MAML3: variants seen among roughly 807,000 people sequenced by gnomAD.
The protein encoded by MAML3 is mastermind like transcriptional coactivator 3.
MAML3 carries 27 observed loss-of-function variants against 101.9 expected under a neutral mutation model. The observed-to-expected ratio is 0.27, with a 90% CI of 0.20 to 0.37. The LOEUF is 0.37. Among genes scored for constraint, MAML3 ranks in the 10% least tolerant of loss-of-function variants. MAML3 has a pLI of 1.00. For missense variants in MAML3, 1,316 were observed against 1,444.9 expected (o/e 0.91, Z 1.45); for synonymous variants, 501 against 555.9 (o/e 0.90, Z 1.39).
At chr4:139,911,726 A>T (rs1732928726) in intron 1 of MAML3, among the ~76,000 whole-genome samples, 1 of 152,096 alleles carries the variant, frequency 6.6e-6, no homozygotes, top group South Asian at 2.1e-4. Flanking sequence ...GGCCCCAGAG[A>T]TCCCCCTCAC....
chr4:139,764,692 G>C (rs1729818522), intron 2 of MAML3, among the ~76,000 whole-genome samples: 1 of 152,222 alleles, frequency 6.6e-6, no homozygotes, highest in Admixed American at 6.5e-5. Flanking sequence ...GGAAACGCGG[G>C]GAAAGAACAG....
intron 1 of MAML3, among the ~76,000 whole-genome samples, chr4:140,002,042 ACTTAT>A (rs1318308498): frequency 8.8e-6 from 1 of 113,128 alleles, no homozygotes; most frequent in African/African-American, 3.2e-5. Flanking sequence ...TACCTCACAC[ACTTAT>A]CATTTTTTTT....
At chr4:139,997,989 T>C (rs1207894042) in intron 1 of MAML3, among the ~76,000 whole-genome samples, 1 of 152,216 alleles carries the variant, frequency 6.6e-6, no homozygotes. Flanking sequence ...GACTATGATG[T>C]ATCTAGATAT....
chr4:139,992,893 T>C (rs1322994400), intron 1 of MAML3, among the ~76,000 whole-genome samples: 1 of 152,182 alleles, frequency 6.6e-6, no homozygotes, highest in Non-Finnish European at 1.5e-5. Flanking sequence ...ATTCCAGTGG[T>C]GTGAAATTGT....
At position 140,118,977 on chromosome 4, in the gene MAML3, G is replaced by C. The variant is rs944113658; in HGVS notation, c.468+33883C>G. Reference sequence around the variant, plus strand: ...AATCATTTTTTTGACAAAGGATTTGGGAAATTAATGTAGGCTTGTTAGCCA... The same window carrying C: ...AATCATTTTTTTGACAAAGGATTTGCGAAATTAATGTAGGCTTGTTAGCCA... On this transcript the variant is annotated intron_variant, in intron 1 of 4. Transcript: ENST00000509479. Among the ~76,000 whole-genome samples, 5 of 152,230 alleles carry C rather than the reference G, an allele frequency of 3.3e-5. No individual in the cohort carries two copies. In the East Asian group the frequency reaches 9.7e-4, roughly 29 times the overall value.
intron 1 of MAML3, among the ~76,000 whole-genome samples, chr4:140,104,789 G>C (rs1447906101): frequency 6.6e-6 from 1 of 151,722 alleles, no homozygotes; most frequent in African/African-American, 2.4e-5. Flanking sequence ...ACTGCATCTG[G>C]CCATAATATA....
At chr4:139,898,046 C>G (rs933878136) in intron 1 of MAML3, among the ~76,000 whole-genome samples, 29 of 152,216 alleles carry the variant, frequency 1.9e-4, no homozygotes, top group Non-Finnish European at 2.9e-5. Context: ...ACCTACTCCA[C>G]AGTCTCTCTT....
intron 1 of MAML3, among the ~76,000 whole-genome samples, chr4:140,045,235 G>T (rs145359195): frequency 6.6e-6 from 1 of 151,922 alleles, no homozygotes; most frequent in African/African-American, 2.4e-5. Flanking sequence ...TCTCTACTAA[G>T]AATACAAAAA....
intron 2 of MAML3, among the ~76,000 whole-genome samples, chr4:139,731,799 G>A (rs1728737985): frequency 6.6e-6 from 1 of 152,188 alleles, no homozygotes; most frequent in South Asian, 2.1e-4. Context: ...GTGACTACAT[G>A]GAGAATGTGC....
intron 2 of MAML3, among the ~76,000 whole-genome samples, chr4:139,743,208 T>C (rs986012646): frequency 1.3e-5 from 2 of 152,210 alleles, no homozygotes; most frequent in Non-Finnish European, 2.9e-5. Context: ...GCTGCAACCA[T>C]TACCACTTCT....
At chr4:139,919,434 A>T (rs1352727047) in intron 1 of MAML3, among the ~76,000 whole-genome samples, 1 of 152,234 alleles carries the variant, frequency 6.6e-6, no homozygotes, top group Non-Finnish European at 1.5e-5. Flanking sequence ...TTCTCTCTTC[A>T]AATGGGCAAT....
chr4:140,063,213 T>C (rs1727476015), intron 1 of MAML3, among the ~76,000 whole-genome samples: 2 of 152,198 alleles, frequency 1.3e-5, no homozygotes, highest in Admixed American at 1.3e-4. Context: ...TTTTTATTAA[T>C]ATCTCTTGAC....
chr4:140,080,042 G>A (rs565260679), intron 1 of MAML3, among the ~76,000 whole-genome samples: 33 of 152,302 alleles, frequency 2.2e-4, no homozygotes, highest in Middle Eastern at 3.4e-3. Flanking sequence ...TAAAAAATAC[G>A]ATACTCCCTT....
chr4:139,854,354 A>G (rs1293615319), intron 2 of MAML3, among the ~76,000 whole-genome samples: 2 of 151,398 alleles, frequency 1.3e-5, no homozygotes, highest in Non-Finnish European at 2.9e-5. Flanking sequence ...TAAATCCACA[A>G]GGTTCAAATT....
At chr4:140,090,346 T>C (rs1169801372) in intron 1 of MAML3, among the ~76,000 whole-genome samples, 1 of 152,238 alleles carries the variant, frequency 6.6e-6, no homozygotes, top group East Asian at 1.9e-4. Context: ...TAGAATGTTG[T>C]TGTTATCTTT....
intron 2 of MAML3, among the ~76,000 whole-genome samples, chr4:139,751,533 CAT>C (rs1729500387): frequency 6.6e-6 from 1 of 152,206 alleles, no homozygotes; most frequent in Non-Finnish European, 1.5e-5. Context: ...AAATTTTCCA[CAT>C]GTGGTATCAT....
chr4:140,070,538 G>T (rs551229642), intron 1 of MAML3, among the ~76,000 whole-genome samples: 1 of 152,308 alleles, frequency 6.6e-6, no homozygotes, highest in South Asian at 2.1e-4. Flanking sequence ...AGAAAAGGCA[G>T]ACAAACTGCC....
chr4:140,003,067 TACC>T (rs1440792398), intron 1 of MAML3, among the ~76,000 whole-genome samples: 1 of 152,238 alleles, frequency 6.6e-6, no homozygotes, highest in Non-Finnish European at 1.5e-5. Context: ...TGGTTCAATT[TACC>T]ACTTCTTTCT....
chr4:140,078,800 C>A (rs1426339861), intron 1 of MAML3, among the ~76,000 whole-genome samples: 5 of 152,122 alleles, frequency 3.3e-5, no homozygotes, highest in Non-Finnish European at 5.9e-5. Context: ...AAAAGGGACT[C>A]ACCCTCCCAG....
Sources: gnomAD v4.1 joint callset for allele counts (sites outside exome capture counted in the v4.1 genomes callset) on GRCh38, gnomAD v4.1.1 for gene constraint, MANE v1.5 for transcripts, NCBI Gene and HGNC (gene_info 2026-07-23, HGNC 2026-07-21) for gene names.